GAREM1: variants seen among roughly 807,000 people sequenced by gnomAD.
The protein encoded by GAREM1 is GRB2 associated regulator of MAPK1 subtype 1.
Under a neutral mutation model 71.3 loss-of-function variants are expected in GAREM1, and 26 were observed. That is an observed-to-expected ratio of 0.36 (90% CI 0.27 to 0.51). The LOEUF (loss-of-function observed/expected upper bound fraction) is 0.51. Among genes scored for constraint, GAREM1 ranks in the 20% least tolerant of loss-of-function variants. The pLI is 0.95. For missense variants in GAREM1, 1,026 were observed against 1,103.1 expected, an observed-to-expected ratio of 0.93 and a Z score of 0.99; for synonymous variants, 440 against 433.2, an observed-to-expected ratio of 1.02 and a Z score of -0.20.
rs759601241 is a variant in GAREM1 at position 32,264,210 on chromosome 18, T to C, written c.*3661A>G. 6.6e-6 allele frequency: 1 copy of C among 152,162 alleles called. No homozygotes were observed. Among genetic ancestry groups the C allele is most frequent in the Non-Finnish European group, 1.5e-5 (1 of 68,040 alleles). 9.4% of individuals were successfully genotyped at this position (152,162 alleles called of 1,614,324 possible). ...TGCCTTTAGGTAACTTGAAAGATAGTGGAAATTGATATAAGAGGCATGTTT... is the reference window on the plus strand; with the variant it reads ...TGCCTTTAGGTAACTTGAAAGATAGCGGAAATTGATATAAGAGGCATGTTT... On this transcript the variant is annotated 3_prime_UTR_variant, in exon 6 of 6. Coordinates refer to ENST00000269209, the MANE Select transcript of GAREM1 (RefSeq NM_001242409.2).
chr18:32,278,152 A>AAC (rs1567945350), intron 4 of GAREM1, among the ~76,000 whole-genome samples: 7 of 152,232 alleles, frequency 4.6e-5, no homozygotes, highest in African/African-American at 1.7e-4. Flanking sequence ...ACAGTTAACT[A>AAC]AGGCATGGTC....
chr18:32,442,631 A>G (rs1037330036), intron 1 of GAREM1, among the ~76,000 whole-genome samples: 2 of 152,172 alleles, frequency 1.3e-5, no homozygotes, highest in African/African-American at 4.8e-5. Flanking sequence ...CTCAACTTTA[A>G]TATGTATGTT....
intron 2 of GAREM1, among the ~76,000 whole-genome samples, chr18:32,341,853 A>G (rs987149292): frequency 1.3e-5 from 2 of 152,014 alleles, no homozygotes; most frequent in African/African-American, 4.8e-5. Context: ...TGGATTCCAG[A>G]TTTACATAGA....
intron 4 of GAREM1, among the ~76,000 whole-genome samples, chr18:32,283,165 G>A (rs995755638): frequency 1.7e-4 from 26 of 152,216 alleles, no homozygotes; most frequent in African/African-American, 5.8e-4. Flanking sequence ...ACCAGGAACT[G>A]TTTACTTTTC....
chr18:32,340,281 T>C (rs528818013), intron 2 of GAREM1, among the ~76,000 whole-genome samples: 2 of 152,308 alleles, frequency 1.3e-5, no homozygotes, highest in East Asian at 3.9e-4. Flanking sequence ...TATTAAACAA[T>C]CACTCAAAGA....
chr18:32,438,201 A>G (rs1301233949), intron 1 of GAREM1, among the ~76,000 whole-genome samples: 2 of 152,214 alleles, frequency 1.3e-5, no homozygotes, highest in Non-Finnish European at 2.9e-5. Flanking sequence ...ACGATATACA[A>G]CTAAATAAAA....
intron 1 of GAREM1, among the ~76,000 whole-genome samples, chr18:32,421,231 A>G (rs546640694): frequency 6.6e-6 from 1 of 152,222 alleles, no homozygotes; most frequent in African/African-American, 2.4e-5. Context: ...GCTGGATTAA[A>G]TGTGTGTGTA....
intron 1 of GAREM1, among the ~76,000 whole-genome samples, chr18:32,394,822 C>T (rs550845721): frequency 3.3e-5 from 5 of 152,300 alleles, no homozygotes; most frequent in East Asian, 1.9e-4. Flanking sequence ...TGGTCTCAAG[C>T]GATGTTCCGC....
At chr18:32,305,139 A>T (rs1362948910) in intron 3 of GAREM1, among the ~76,000 whole-genome samples, 1 of 152,218 alleles carries the variant, frequency 6.6e-6, no homozygotes, top group Admixed American at 6.5e-5. Flanking sequence ...GGATAAAGAA[A>T]AAAAAAGTGA....
At position 32,470,422 on chromosome 18, in the gene GAREM1, G is replaced by T. The variant is rs1358238396; in HGVS notation, c.7C>A (p.Pro3Thr). 1 of 1,510,360 alleles carries T rather than the reference G, an allele frequency of 6.6e-7. No individual in the cohort carries two copies. Among genetic ancestry groups the T allele is most frequent in the Admixed American group, 2.0e-5 (1 of 50,026 alleles). 93.6% of individuals were successfully genotyped at this position (1,510,360 alleles called of 1,614,324 possible). The change falls in exon 1 of 6, where the codon CCG (proline) becomes ACG (threonine). Residue 3 changes from proline (P) to threonine (T), a missense_variant. Physicochemically the swap from Pro to Thr is conservative, Grantham distance 38. Transcript: ENST00000269209. The surrounding 1 kb of genome is among the most constrained non-coding windows in gnomAD (Gnocchi z 4.4). MDPAPSLGCSLKD... is the reference protein window; with the variant it reads MDTAPSLGCSLKD... The stretch of plus-strand genomic sequence containing the variant: ...AGGCTGCAGCCCAGCGAGGGCGCCG[G>T]GTCCATCTTCCCCGAAGCCTCCTGT...
intron 2 of GAREM1, among the ~76,000 whole-genome samples, chr18:32,313,474 C>T (rs973264727): frequency 2.1e-4 from 32 of 152,072 alleles, no homozygotes; most frequent in African/African-American, 7.7e-4. Context: ...GTTGAGATGG[C>T]AAACAGCTAA....
chr18:32,389,750 T>C (rs1261592651), intron 2 of GAREM1, among the ~76,000 whole-genome samples: 1 of 152,146 alleles, frequency 6.6e-6, no homozygotes, highest in Admixed American at 6.6e-5. Context: ...CAATGTACTA[T>C]ATGCTCTCTT....
intron 1 of GAREM1, among the ~76,000 whole-genome samples, chr18:32,404,009 G>A (rs2048342179): frequency 6.6e-6 from 1 of 152,138 alleles, no homozygotes; most frequent in African/African-American, 2.4e-5. Flanking sequence ...AGGTATGCAG[G>A]ACCATAACAT....
intron 2 of GAREM1, among the ~76,000 whole-genome samples, chr18:32,338,389 A>C (rs1324496246): frequency 6.6e-6 from 1 of 152,160 alleles, no homozygotes; most frequent in Admixed American, 6.5e-5. Flanking sequence ...ACCTAGGTTC[A>C]AACTAGCCAC....
chr18:32,439,787 T>A (rs1400865028), intron 1 of GAREM1, among the ~76,000 whole-genome samples: 1 of 152,040 alleles, frequency 6.6e-6, no homozygotes, highest in East Asian at 1.9e-4. Flanking sequence ...AATCACCCCC[T>A]CTAAGTCTCA....
chr18:32,369,794 C>T (rs531192230), intron 2 of GAREM1, among the ~76,000 whole-genome samples: 1 of 152,326 alleles, frequency 6.6e-6, no homozygotes, highest in South Asian at 2.1e-4. Flanking sequence ...ACACAATCAT[C>T]ATCATTCTGC....
rs187662666 is a variant in GAREM1, at chr18:32,366,290, C to T, written c.262+26605G>A. 2.6e-5 allele frequency among the ~76,000 whole-genome samples: 4 copies of T among 152,274 alleles called. No individual in the cohort carries two copies. The East Asian group carries it at 7.7e-4, about 29-fold the overall frequency. On this transcript the variant is annotated intron_variant, in intron 2 of 5. Transcript: ENST00000269209. ...TACTACTTATTACCTTACATTGTAA[C>T]AGTAAACACTTAACAGTAAACCTCA...
intron 4 of GAREM1, among the ~76,000 whole-genome samples, chr18:32,278,780 T>C (rs1481197030): frequency 7.9e-5 from 12 of 152,230 alleles, no homozygotes; most frequent in South Asian, 2.1e-4. Flanking sequence ...AGTTTTATAA[T>C]GACAAAGTAC....
chr18:32,364,028 G>GTTTTTT lies in GAREM1; in HGVS notation c.262+28861_262+28866dup, dbSNP rs1157200391. On this transcript the variant is annotated intron_variant, in intron 2 of 5. Transcript: ENST00000269209. ...TATATATATATATATATATATATAT[G>GTTTTTT]TTTTTTTTTTTTTTTTTTTTTTGTG... Among the ~76,000 whole-genome samples, 8 of 21,674 alleles carry GTTTTTT rather than the reference G, an allele frequency of 3.7e-4. 1 individual carries two copies. Among genetic ancestry groups the GTTTTTT allele is most frequent in the Admixed American group, 8.0e-4 (1 of 1,252 alleles). 14.2% of individuals were successfully genotyped at this position (21,674 alleles called of 152,430 possible). A position where few individuals can be genotyped will look rare whatever the true frequency, so the allele number is the denominator to read the frequency against.
Sources: allele counts gnomAD v4.1 joint callset (sites outside exome capture counted in the v4.1 genomes callset), GRCh38; gene constraint gnomAD v4.1.1; non-coding constraint Gnocchi (gnomAD v3.1); transcripts MANE v1.5; gene names NCBI Gene and HGNC (gene_info 2026-07-23, HGNC 2026-07-21).